Variants in RPH3AL observed in about 807,000 individuals in gnomAD.
The protein encoded by RPH3AL is rabphilin 3A like (without C2 domains), also known as rab effector Noc2.
RPH3AL carries 38 observed loss-of-function variants against 43.1 expected under a neutral mutation model. The observed-to-expected ratio is 0.88, with a 90% CI of 0.68 to 1.15. The LOEUF is 1.15. Among genes scored for constraint, RPH3AL ranks in the 50% most tolerant of loss-of-function variants. RPH3AL has a pLI of 0.00. For synonymous variants in RPH3AL, 189 were observed against 176.3 expected (o/e 1.07, Z -0.57); for missense variants, 462 against 423.2 (o/e 1.09, Z -0.81).
chr17:244,949 CATGT>C (rs1555539146), intron 7 of RPH3AL, among the ~76,000 whole-genome samples: 2 of 152,020 alleles, frequency 1.3e-5, no homozygotes, highest in Admixed American at 1.3e-4. Context: ...TGTGTACATG[CATGT>C]GTGTGTGAGC....
At chr17:265,543 G>A (rs1555547720) in intron 6 of RPH3AL, among the ~76,000 whole-genome samples, 1 of 152,154 alleles carries the variant, frequency 6.6e-6, no homozygotes. Context: ...TCTGCTGATG[G>A]CTTTTTCTTT....
At position 329,286 on chromosome 17, in the gene RPH3AL, A is replaced by C. The variant is rs530815773; in HGVS notation, c.-36-1707T>G. On this transcript the variant is annotated intron_variant, in intron 2 of 9. Transcript: ENST00000331302. ...TCAGGAGTTCAAGACCAGCCTGGCC[A>C]ATATGGTGAAACCCCGCCTCTACTA... Among the ~76,000 whole-genome samples, 397 of 152,238 alleles carry C rather than the reference A, an allele frequency of 2.6e-3. 6 individuals carry two copies. Among genetic ancestry groups the C allele is most frequent in the African/African-American group, 9.0e-3 (372 of 41,530 alleles).
chr17:324,766 C>T (rs1265772260), intron 3 of RPH3AL, among the ~76,000 whole-genome samples: 1 of 149,226 alleles, frequency 6.7e-6, no homozygotes, highest in Non-Finnish European at 1.5e-5. Flanking sequence ...CGGTCTGTCG[C>T]CCAGGCTGGA....
intron 6 of RPH3AL, among the ~76,000 whole-genome samples, chr17:253,824 TACTTCCTATGAGGGGAGCCGCACGGC>T (rs2041992416): frequency 2.5e-5 from 2 of 81,434 alleles, no homozygotes; most frequent in African/African-American, 4.2e-5. Flanking sequence ...CTACCCTACG[TACTTCCTATGAGGGGAGCCGCACGGC>T]GTCTGTCCTG....
At position 257,795 on chromosome 17, in the gene RPH3AL, C is replaced by T. The variant is rs868964962; in HGVS notation, c.439-10510G>A. On this transcript the variant is annotated intron_variant, in intron 6 of 9. Coordinates refer to ENST00000331302, the MANE Select transcript of RPH3AL (RefSeq NM_006987.4). ...CCCTACGTACTTCCTATGAGGGGAG[C>T]CGCACGGTGTCTGTCCTGTTCTGTC... Among the ~76,000 whole-genome samples, 4 of 29,536 alleles carry T rather than the reference C, an allele frequency of 1.4e-4. 1 individual carries two copies. Among genetic ancestry groups the T allele is most frequent in the East Asian group, 5.8e-4 (1 of 1,710 alleles). 19.4% of individuals were successfully genotyped at this position (29,536 alleles called of 152,430 possible).
intron 7 of RPH3AL, 84 bp from the exon 8 acceptor site, chr17:219,820 C>A: frequency 1.0e-6 from 1 of 982,432 alleles, no homozygotes; most frequent in Non-Finnish European, 1.6e-6. Flanking sequence ...GGCAGGCCTC[C>A]CCAGCTCATT....
intron 5 of RPH3AL, among the ~76,000 whole-genome samples, chr17:312,677 A>C (rs1365137021): frequency 6.6e-6 from 1 of 152,266 alleles, no homozygotes; most frequent in African/African-American, 2.4e-5. Context: ...TGGGCCAGGC[A>C]GTCTGCTAAG....
At chr17:330,134 C>G (rs1381139584) in intron 2 of RPH3AL, among the ~76,000 whole-genome samples, 1 of 152,224 alleles carries the variant, frequency 6.6e-6, no homozygotes, top group East Asian at 1.9e-4. Flanking sequence ...TCTATGATGA[C>G]CAGCAGAGGT....
chr17:230,039 T>G (rs1164335886), intron 7 of RPH3AL, among the ~76,000 whole-genome samples: 1 of 152,046 alleles, frequency 6.6e-6, no homozygotes, highest in Non-Finnish European at 1.5e-5. Context: ...GGAGAGGACA[T>G]GGTACCTGGG....
intron 5 of RPH3AL, among the ~76,000 whole-genome samples, chr17:300,698 G>C (rs558264906): frequency 7.1e-6 from 1 of 140,486 alleles, no homozygotes; most frequent in African/African-American, 2.8e-5. Flanking sequence ...GCAGGGGCTG[G>C]CCCAGCCTAG....
Position 346,796 on chromosome 17 carries a change from A to G in RPH3AL, c.-213+5916T>C, listed in dbSNP as rs1240400269. Among the ~76,000 whole-genome samples, 7 of 136,096 alleles carry G rather than the reference A, an allele frequency of 5.1e-5. 2 individuals carry two copies. The highest frequency in any genetic ancestry group is 8.4e-5 in the Non-Finnish European group (5 of 59,682). The allele number at this position is 136,096 out of a possible 152,430, so 89.3% of individuals were successfully genotyped here. ...CAGACACTTCACTGAAGATATACAA[A>G]TGGCAAACAAGCCAATGAAAAGATG... On this transcript the variant is annotated intron_variant, in intron 1 of 9. Coordinates refer to ENST00000331302, the MANE Select transcript of RPH3AL (RefSeq NM_006987.4).
chr17:315,358 C>G (rs2043955153), intron 5 of RPH3AL, among the ~76,000 whole-genome samples: 1 of 152,318 alleles, frequency 6.6e-6, no homozygotes, highest in African/African-American at 2.4e-5. Context: ...GACTCCACTT[C>G]CACTGACCTG....
At chr17:316,917 C>A (rs1213111738) in intron 5 of RPH3AL, among the ~76,000 whole-genome samples, 1 of 151,176 alleles carries the variant, frequency 6.6e-6, no homozygotes, top group African/African-American at 2.4e-5. Flanking sequence ...CCTCCACTGA[C>A]CTGTAGTCTC....
chr17:252,676 C>T (rs186617103), intron 6 of RPH3AL, among the ~76,000 whole-genome samples: 2 of 152,328 alleles, frequency 1.3e-5, no homozygotes, highest in Admixed American at 1.3e-4. Context: ...ACCCCGCACC[C>T]ACCCCATCAG....
At chr17:338,219 T>G (rs553046107) in intron 1 of RPH3AL, among the ~76,000 whole-genome samples, 12 of 152,176 alleles carry the variant, frequency 7.9e-5, no homozygotes, top group African/African-American at 2.6e-4. Flanking sequence ...CCCAGCACTT[T>G]GGGAAGCCAA....
At chr17:298,907 AG>A (rs1021672203) in intron 5 of RPH3AL, among the ~76,000 whole-genome samples, 1 of 152,050 alleles carries the variant, frequency 6.6e-6, no homozygotes, top group African/African-American at 2.4e-5. Flanking sequence ...CGGGGGAGCC[AG>A]GCCTGGCCCT....
rs1285278336 is a variant in RPH3AL, at chr17:328,065, C to A, written c.-36-486G>T. On this transcript the variant is annotated intron_variant, in intron 2 of 9. Coordinates refer to ENST00000331302, the MANE Select transcript of RPH3AL (RefSeq NM_006987.4). The surrounding 1 kb of genome is among the most constrained non-coding windows in gnomAD (Gnocchi z 4.2). ...GGCTCTCCTTCCCAACAGACTCACA[C>A]CGATGATCACAATGCCCTCGAGGGC... 6.6e-6 allele frequency among the ~76,000 whole-genome samples: 1 copy of A among 152,116 alleles called. No individual in the cohort carries two copies. The highest frequency in any genetic ancestry group is 1.5e-5 in the Non-Finnish European group (1 of 68,008).
intron 6 of RPH3AL, among the ~76,000 whole-genome samples, chr17:262,968 T>C (rs193235634): frequency 1.1e-4 from 16 of 152,288 alleles, no homozygotes; most frequent in African/African-American, 3.8e-4. Flanking sequence ...CTGCCCGACA[T>C]GGTGGTCCCC....
intron 6 of RPH3AL, among the ~76,000 whole-genome samples, chr17:258,905 A>T (rs2042134849): frequency 6.6e-6 from 1 of 151,836 alleles, no homozygotes; most frequent in Admixed American, 6.6e-5. Context: ...GGACCACAGC[A>T]ACACGCCACC....
Sources: allele counts gnomAD v4.1 joint callset (sites outside exome capture counted in the v4.1 genomes callset), GRCh38; gene constraint gnomAD v4.1.1; non-coding constraint Gnocchi (gnomAD v3.1); transcripts MANE v1.5; gene names NCBI Gene and HGNC (gene_info 2026-07-23, HGNC 2026-07-21).